The following RBPMS variants were observed in gnomAD, a reference collection of about 807,000 sequenced individuals.
The protein encoded by RBPMS is RNA-binding protein with multiple splicing.
In RBPMS, 7 loss-of-function variants were observed where a neutral mutation model predicts 26.8. The ratio of observed to expected loss-of-function variants is 0.26; its 90% CI spans 0.15 to 0.49. The LOEUF (loss-of-function observed/expected upper bound fraction) is 0.49, where lower values mean the gene tolerates loss of function less well. RBPMS is among the 20% of genes least tolerant of loss of function. RBPMS has a pLI of 0.98. For synonymous variants in RBPMS, 96 were observed against 93.3 expected (o/e 1.03, Z -0.17); for missense variants, 186 against 250.0 (o/e 0.74, Z 1.73).
chr8:30,544,468 A>ACTCT, intron 5 of RBPMS, 26 bp from the exon 6 acceptor site: 1 of 1,609,758 alleles, frequency 6.2e-7, no homozygotes, highest in Non-Finnish European at 8.5e-7. Context: ...GTAACCACTA[A>ACTCT]CTCTCGCCTT....
intron 5 of RBPMS, among the ~76,000 whole-genome samples, chr8:30,538,063 T>C (rs968944877): frequency 2.0e-5 from 3 of 152,094 alleles, no homozygotes; most frequent in Admixed American, 2.0e-4. Flanking sequence ...CTAAATAGAA[T>C]TAGTAGTTGA....
chr8:30,537,553 A>G (rs1368489041), intron 5 of RBPMS: 2 of 455,874 alleles, frequency 4.4e-6, no homozygotes, highest in Non-Finnish European at 8.8e-6. Context: ...ATGTCTTTAC[A>G]TAGAGAATAT....
At chr8:30,548,075 G>A (rs1041216132) in intron 6 of RBPMS, among the ~76,000 whole-genome samples, 2 of 152,200 alleles carry the variant, frequency 1.3e-5, no homozygotes, top group African/African-American at 2.4e-5. Context: ...ATCAAAGAGC[G>A]ACCCTGTGCA....
chr8:30,546,675 C>T (rs16877126), intron 6 of RBPMS, among the ~76,000 whole-genome samples: 261 of 152,318 alleles, frequency 1.7e-3, no homozygotes, highest in African/African-American at 6.0e-3. Context: ...GTGGGACTCT[C>T]CTCTGGTATC....
intron 5 of RBPMS, among the ~76,000 whole-genome samples, chr8:30,506,336 T>TAAAAAAAAAAAAAAAAAAAAAATA (rs1821069614): frequency 7.6e-6 from 1 of 132,132 alleles, no homozygotes; most frequent in Non-Finnish European, 1.6e-5. Context: ...ATTTGAAGTT[T>TAAAAAAAAAAAAAAAAAAAAAATA]AAAAAAAAAA....
At chr8:30,509,057 G>T (rs139017464) in intron 5 of RBPMS, among the ~76,000 whole-genome samples, 198 of 152,248 alleles carry the variant, frequency 1.3e-3, no homozygotes, top group African/African-American at 4.4e-3. Flanking sequence ...GCAGGTCTGG[G>T]CTAGGACGTA....
At chr8:30,408,063 A>G (rs1808856781) in intron 1 of RBPMS, among the ~76,000 whole-genome samples, 1 of 152,192 alleles carries the variant, frequency 6.6e-6, no homozygotes, top group South Asian at 2.1e-4. Context: ...GACCAGTTAC[A>G]GGATCCTTAG....
chr8:30,475,944 G>A (rs1278822660), intron 2 of RBPMS, among the ~76,000 whole-genome samples: 1 of 152,180 alleles, frequency 6.6e-6, no homozygotes, highest in Non-Finnish European at 1.5e-5. Context: ...AAGGTGGTAT[G>A]GAGAGAGTGC....
intron 1 of RBPMS, among the ~76,000 whole-genome samples, chr8:30,393,771 G>A (rs1333481070): frequency 1.3e-5 from 2 of 151,868 alleles, no homozygotes; most frequent in Non-Finnish European, 2.9e-5. Flanking sequence ...CACCCGCCTC[G>A]GCCTGCCAAA....
Position 30,571,730 on chromosome 8 carries a change from A to C in RBPMS, c.*1205A>C, listed in dbSNP as rs148632195. On this transcript the variant is annotated 3_prime_UTR_variant, in exon 9 of 9. Transcript: ENST00000397323. ...GCAGTGGGCATTTGGAACCAATTCTATTCAGACTTCGTCAAAGCCAAAGTC... is the reference window on the plus strand; with the variant it reads ...GCAGTGGGCATTTGGAACCAATTCTCTTCAGACTTCGTCAAAGCCAAAGTC... The C allele has an allele frequency of 5.3e-5, 8 of 152,300 alleles. No homozygotes were observed. Among genetic ancestry groups the C allele is most frequent in the Admixed American group, 5.2e-4 (8 of 15,284 alleles). 9.4% of individuals were successfully genotyped at this position (152,300 alleles called of 1,614,324 possible).
At chr8:30,516,903 TACACAC>T (rs139256402) in intron 5 of RBPMS, among the ~76,000 whole-genome samples, 1 of 147,288 alleles carries the variant, frequency 6.8e-6, no homozygotes, top group Non-Finnish European at 1.5e-5. Flanking sequence ...CATCTCTAAA[TACACAC>T]ACACACACAC....
intron 6 of RBPMS, among the ~76,000 whole-genome samples, chr8:30,549,804 T>TCTCCCC (rs1383466717): frequency 0.039 from 4,012 of 102,158 alleles, 127 homozygotes; most frequent in East Asian, 0.064. Flanking sequence ...CTCCCCTCTC[T>TCTCCCC]CCTCTCTCTC....
chr8:30,476,947 A>G (rs1390375106), intron 2 of RBPMS, among the ~76,000 whole-genome samples: 115 of 152,338 alleles, frequency 7.5e-4, no homozygotes, highest in Non-Finnish European at 1.5e-4. Context: ...CAGAAGAGCA[A>G]CATGAAAACT....
chr8:30,482,203 GA>G (rs1195168044), intron 4 of RBPMS, among the ~76,000 whole-genome samples: 1 of 152,160 alleles, frequency 6.6e-6, no homozygotes, highest in Admixed American at 6.5e-5. Flanking sequence ...TCTAATTGAT[GA>G]GTTAAAAACA....
chr8:30,477,716 TC>T, intron 2 of RBPMS, 82 bp from the exon 3 acceptor site: 1 of 939,286 alleles, frequency 1.1e-6, no homozygotes, highest in South Asian at 1.4e-5. Flanking sequence ...AGTTAGGTAA[TC>T]AATAAAGAAC....
intron 1 of RBPMS, among the ~76,000 whole-genome samples, chr8:30,413,961 T>G (rs1809760232): frequency 6.6e-6 from 1 of 152,132 alleles, no homozygotes; most frequent in Non-Finnish European, 1.5e-5. Flanking sequence ...AGGCTGGTCT[T>G]GAACTCCTGA....
intron 1 of RBPMS, among the ~76,000 whole-genome samples, chr8:30,439,261 C>A (rs570547855): frequency 1.7e-4 from 26 of 152,320 alleles, no homozygotes; most frequent in African/African-American, 6.0e-4. Context: ...TTCATAGTAT[C>A]ATTTAAAAGC....
chr8:30,513,924 A>G (rs928068584), intron 5 of RBPMS, among the ~76,000 whole-genome samples: 1 of 152,178 alleles, frequency 6.6e-6, no homozygotes, highest in Non-Finnish European at 1.5e-5. Flanking sequence ...TCTCAAAAGC[A>G]TGGTCCACGC....
At chr8:30,471,977 A>G (rs903449160) in intron 1 of RBPMS, among the ~76,000 whole-genome samples, 2 of 152,190 alleles carry the variant, frequency 1.3e-5, no homozygotes, top group East Asian at 3.8e-4. Context: ...AACATTTACC[A>G]TGTTCTGAAA....
Sources: allele counts gnomAD v4.1 joint callset (sites outside exome capture counted in the v4.1 genomes callset), GRCh38; gene constraint gnomAD v4.1.1; transcripts MANE v1.5; gene names NCBI Gene and HGNC (gene_info 2026-07-23, HGNC 2026-07-21).